APBA1: variants seen among roughly 807,000 people sequenced by gnomAD.
The protein encoded by APBA1 is amyloid-beta A4 precursor protein-binding family A member 1.
Under a neutral mutation model 86.6 loss-of-function variants are expected in APBA1, and 55 were observed. That is an observed-to-expected ratio of 0.64 (90% CI 0.51 to 0.80). The LOEUF (loss-of-function observed/expected upper bound fraction) is 0.80. APBA1 is among the 30% of genes least tolerant of loss of function. The probability of loss-of-function intolerance (pLI) is 0.00; values close to 1 mark genes in which losing one functional copy is unlikely to be tolerated. For synonymous variants in APBA1, 511 were observed against 493.9 expected, an observed-to-expected ratio of 1.03 and a Z score of -0.46; for missense variants, 1,090 against 1,183.0, an observed-to-expected ratio of 0.92 and a Z score of 1.15.
intron 1 of APBA1, among the ~76,000 whole-genome samples, chr9:69,602,586 GAA>G (rs751705648): frequency 5.9e-5 from 9 of 151,752 alleles, no homozygotes; most frequent in Admixed American, 2.6e-4. Context: ...AAAAAAAGAA[GAA>G]GAAGAAGAAA....
rs145567762 is a variant in APBA1 at position 69,597,388 on chromosome 9, G to A, written c.-70+74765C>T. On this transcript the variant is annotated intron_variant, in intron 1 of 12. Coordinates refer to ENST00000265381, the MANE Select transcript of APBA1 (RefSeq NM_001163.4). ...GTTTTTTTCTTGTAAATTTGTTTGA[G>A]TTCATTGTAGATTCTGGATATTAGC... 5.8e-3 allele frequency among the ~76,000 whole-genome samples: 889 copies of A among 152,244 alleles called. 10 individuals are homozygous for A. Among genetic ancestry groups the A allele is most frequent in the African/African-American group, 0.02 (842 of 41,536 alleles).
At chr9:69,524,702 T>A (rs957779968) in intron 1 of APBA1, among the ~76,000 whole-genome samples, 6 of 151,894 alleles carry the variant, frequency 4.0e-5, no homozygotes, top group Admixed American at 3.9e-4. Flanking sequence ...TTACAAAAAT[T>A]ATGGAGAAGG....
intron 1 of APBA1, among the ~76,000 whole-genome samples, chr9:69,566,953 T>C (rs1301584918): frequency 6.6e-6 from 1 of 152,188 alleles, no homozygotes; most frequent in Non-Finnish European, 1.5e-5. Flanking sequence ...ACTCTGTTCA[T>C]GTTATTTCTT....
rs765396626 is a variant in APBA1 at position 69,516,290 on chromosome 9, G to A, written c.921C>T (p.Ala307=). ...GCCCGGGGCTGTCGGGGCGACCCCC[G>A]GCCGGGGTAGGGGGACGCTCCAGGT... The part of the protein sequence containing the change: ...EQDLERPPTP[A]GGRPDSPGLQ... Residue 307 remains alanine, a synonymous_variant, in exon 2 of 13, where the codon GCC becomes GCT. Coordinates refer to ENST00000265381, the MANE Select transcript of APBA1 (RefSeq NM_001163.4). This position sits in a 1 kb window ranked among gnomAD's most constrained non-coding sequence, Gnocchi z 7.3. 3.3e-6 allele frequency: 5 copies of A among 1,515,276 alleles called. No homozygotes were observed. Among genetic ancestry groups the A allele is most frequent in the South Asian group, 2.5e-5 (2 of 81,224 alleles). The allele number at this position is 1,515,276 out of a possible 1,614,324, so 93.9% of individuals were successfully genotyped here.
chr9:69,550,522 G>A (rs1836767268), intron 1 of APBA1, among the ~76,000 whole-genome samples: 1 of 152,088 alleles, frequency 6.6e-6, no homozygotes. Flanking sequence ...TAGAGGGTTG[G>A]AGCAAATTAC....
chr9:69,624,403 T>G lies in APBA1; in HGVS notation c.-70+47750A>C, dbSNP rs143737374. Among the ~76,000 whole-genome samples the G allele has an allele frequency of 5.7e-3, 861 of 152,306 alleles. 9 individuals are homozygous for G. Among genetic ancestry groups the G allele is most frequent in the South Asian group, 0.028 (136 of 4,826 alleles). On this transcript the variant is annotated intron_variant, in intron 1 of 12. Coordinates refer to ENST00000265381, the MANE Select transcript of APBA1 (RefSeq NM_001163.4). ...AAACAAATTTTATAGTTACAAAAATTTAATTTTCTTCTATTATTAATTATT... is the reference window on the plus strand; with the variant it reads ...AAACAAATTTTATAGTTACAAAAATGTAATTTTCTTCTATTATTAATTATT...
chr9:69,455,296 AG>A (rs1835076919), intron 8 of APBA1, among the ~76,000 whole-genome samples: 1 of 152,138 alleles, frequency 6.6e-6, no homozygotes, highest in East Asian at 1.9e-4. Flanking sequence ...AATGGCCCTC[AG>A]GGGGTGGGTG....
intron 1 of APBA1, among the ~76,000 whole-genome samples, chr9:69,669,536 G>A (rs1823907322): frequency 6.6e-6 from 1 of 152,188 alleles, no homozygotes; most frequent in African/African-American, 2.4e-5. Context: ...CCTTATACCA[G>A]TCCGATCTTT....
intron 1 of APBA1, among the ~76,000 whole-genome samples, chr9:69,636,513 T>A (rs895941943): frequency 2.6e-5 from 4 of 152,040 alleles, no homozygotes; most frequent in African/African-American, 4.8e-5. Flanking sequence ...CATCAACAGA[T>A]GAATGGATAA....
At chr9:69,598,159 C>T (rs4744920) in intron 1 of APBA1, among the ~76,000 whole-genome samples, 104,997 of 151,574 alleles carry the variant, frequency 0.69, 36,634 homozygotes, top group East Asian at 0.85. Context: ...TTGGAAATCA[C>T]CATTCTCAGT....
intron 1 of APBA1, among the ~76,000 whole-genome samples, chr9:69,607,602 G>A (rs1232131754): frequency 1.3e-5 from 2 of 152,032 alleles, no homozygotes; most frequent in African/African-American, 2.4e-5. Flanking sequence ...TGAATAACAC[G>A]CTGTAGTACT....
intron 1 of APBA1, among the ~76,000 whole-genome samples, chr9:69,647,893 T>G (rs1489437675): frequency 6.6e-6 from 1 of 152,202 alleles, no homozygotes; most frequent in Non-Finnish European, 1.5e-5. Context: ...GACTGTTGAC[T>G]GGGGTTTTGG....
intron 1 of APBA1, among the ~76,000 whole-genome samples, chr9:69,551,545 T>G (rs1423198185): frequency 8.2e-6 from 1 of 121,292 alleles, no homozygotes; most frequent in East Asian, 2.5e-4. Flanking sequence ...AGGGTGAGAC[T>G]CCGCCTCAAA....
chr9:69,458,853 C>T (rs991338881), intron 5 of APBA1, among the ~76,000 whole-genome samples: 2 of 150,554 alleles, frequency 1.3e-5, no homozygotes, highest in African/African-American at 4.9e-5. Flanking sequence ...GTTGCCCAGG[C>T]TGGAGTGCAA....
chr9:69,467,050 G>A (rs1835290924), intron 5 of APBA1, among the ~76,000 whole-genome samples: 1 of 152,208 alleles, frequency 6.6e-6, no homozygotes, highest in Admixed American at 6.5e-5. Context: ...GCATGTGGAT[G>A]ACATAAACAC....
At chr9:69,574,617 T>G (rs1450458555) in intron 1 of APBA1, among the ~76,000 whole-genome samples, 1 of 152,162 alleles carries the variant, frequency 6.6e-6, no homozygotes, top group African/African-American at 2.4e-5. Flanking sequence ...TTTTTTGTAG[T>G]TGGTGTGCTG....
At position 69,471,017 on chromosome 9, in the gene APBA1, C is replaced by T. The variant is rs535442976; in HGVS notation, c.1336+639G>A. 6.3e-4 allele frequency among the ~76,000 whole-genome samples: 96 copies of T among 152,304 alleles called. 1 individual carries two copies. In the Middle Eastern group the frequency reaches 0.01, roughly 16 times the overall value. ...GAAGTATGGTGCCAGCCTGCCAATT[C>T]ATAGCCTGGGTCTGCACTGCCAACT... On this transcript the variant is annotated intron_variant, in intron 4 of 12. Coordinates refer to ENST00000265381, the MANE Select transcript of APBA1 (RefSeq NM_001163.4).
chr9:69,580,746 C>T (rs955743325), intron 1 of APBA1, among the ~76,000 whole-genome samples: 1 of 152,148 alleles, frequency 6.6e-6, no homozygotes, highest in Non-Finnish European at 1.5e-5. Flanking sequence ...ATGACACATA[C>T]TGATTGAGCC....
chr9:69,455,653 G>T (rs574954550), intron 8 of APBA1, among the ~76,000 whole-genome samples: 1 of 152,294 alleles, frequency 6.6e-6, no homozygotes, highest in Non-Finnish European at 1.5e-5. Flanking sequence ...GAGGGACAGG[G>T]ATGCTAACTT....
Sources: gnomAD v4.1 joint callset for allele counts (sites outside exome capture counted in the v4.1 genomes callset) on GRCh38, gnomAD v4.1.1 for gene constraint, Gnocchi (gnomAD v3.1) non-coding constraint, MANE v1.5 for transcripts, NCBI Gene and HGNC (gene_info 2026-07-23, HGNC 2026-07-21) for gene names.